The following CD163L1 variants were observed in gnomAD, a reference collection of about 807,000 sequenced individuals.
CD163L1 encodes scavenger receptor cysteine-rich type 1 protein M160.
Under a neutral mutation model 165.4 loss-of-function variants are expected in CD163L1, and 124 were observed. The ratio of observed to expected loss-of-function variants is 0.75; its 90% CI spans 0.65 to 0.87. The LOEUF is 0.87. Among genes scored for constraint, CD163L1 ranks in the 40% least tolerant of loss-of-function variants. The probability of loss-of-function intolerance (pLI) is 0.00; values close to 1 mark genes in which losing one functional copy is unlikely to be tolerated. For synonymous variants in CD163L1, 585 were observed against 662.2 expected, an observed-to-expected ratio of 0.88 and a Z score of 1.79; for missense variants, 1,525 against 1,799.9, an observed-to-expected ratio of 0.85 and a Z score of 2.76.
rs777575945 is a variant in CD163L1 at position 7,375,379 on chromosome 12, T to A, written c.2903A>T (p.His968Leu). Residue 968 changes from histidine (H) to leucine (L), a missense_variant, in exon 11 of 20, where the codon CAT becomes CTT. Physicochemically the swap from His to Leu is moderately conservative, Grantham distance 99. Transcript: ENST00000313599. ...CAGAAGTGACTCATTCCCTAAGCAATGAAACCTGTGTCCCCACACACGAAC... is the reference window on the plus strand; with the variant it reads ...CAGAAGTGACTCATTCCCTAAGCAAAGAAACCTGTGTCCCCACACACGAAC... ...RSVRVWGHRF[H>L]CLGNESLLDN... 1.1e-5 allele frequency: 18 copies of A among 1,614,186 alleles called. No homozygotes were observed. The highest frequency in any genetic ancestry group is 1.7e-5 in the Admixed American group (1 of 60,022).
chr12:7,342,504 G>A (rs958516581), downstream of CD163L1, among the ~76,000 whole-genome samples: 5 of 152,154 alleles, frequency 3.3e-5, no homozygotes, highest in Admixed American at 1.3e-4. Flanking sequence ...AGCTCTGAAG[G>A]CTGTGAGACC....
Position 7,375,449 on chromosome 12 carries a change from T to C in CD163L1, c.2833A>G (p.Thr945Ala). 6.2e-7 allele frequency: 1 copy of C among 1,614,176 alleles called. No homozygotes were observed. The highest frequency in any genetic ancestry group is 8.5e-7 in the Non-Finnish European group (1 of 1,180,028). ...RVLCRQLSCGTALSTTGGKYI... is the reference protein window; with the variant it reads ...RVLCRQLSCGAALSTTGGKYI... ...TTTCCTCCTGTGGTTGAGAGAGCAG[T>C]CCCACAGCTGAGCTGTCTGCATAGA... The change falls in exon 11 of 20, where the codon ACT becomes GCT. Residue 945 changes from threonine to alanine, a missense_variant. Thr to Ala is a moderately conservative substitution (Grantham distance 58). Coordinates refer to ENST00000313599, the MANE Select transcript of CD163L1 (RefSeq NM_174941.6).
At chr12:7,364,234 A>G (rs1173088006) in intron 18 of CD163L1, among the ~76,000 whole-genome samples, 1 of 152,146 alleles carries the variant, frequency 6.6e-6, no homozygotes, top group African/African-American at 2.4e-5. Context: ...CATAAAATTC[A>G]ACATCGTTTT....
At chr12:7,393,021 G>A (rs748227435) in intron 8 of CD163L1, among the ~76,000 whole-genome samples, 2 of 152,008 alleles carry the variant, frequency 1.3e-5, no homozygotes, top group African/African-American at 2.4e-5. Context: ...CATTCTTTCC[G>A]AAACTAATCT....
chr12:7,346,462 T>C (rs1946670879), downstream of CD163L1, among the ~76,000 whole-genome samples: 1 of 152,190 alleles, frequency 6.6e-6, no homozygotes, highest in Non-Finnish European at 1.5e-5. Flanking sequence ...TTACTGAGTA[T>C]AATTTCTTTT....
chr12:7,421,509 A>G (rs745751784), intron 4 of CD163L1, among the ~76,000 whole-genome samples: 4 of 86,674 alleles, frequency 4.6e-5, no homozygotes, highest in Non-Finnish European at 2.2e-5. Flanking sequence ...GTACATATAC[A>G]TATACATATA....
At chr12:7,370,612 G>A (rs1021219660) in intron 14 of CD163L1, among the ~76,000 whole-genome samples, 1 of 152,058 alleles carries the variant, frequency 6.6e-6, no homozygotes, top group Non-Finnish European at 1.5e-5. Context: ...GGTCTGATAA[G>A]TCATCCCCAA....
chr12:7,340,822 C>T, the CD163L1 span, among the ~76,000 whole-genome samples: 1 of 152,184 alleles, frequency 6.6e-6, no homozygotes, highest in Non-Finnish European at 1.5e-5. Flanking sequence ...TCTGAATCGG[C>T]TCATATCTCT....
In CD163L1 at chr12:7,409,271, T is replaced by C. The variant is rs758678892; in HGVS notation, c.767-2419A>G. Among the ~76,000 whole-genome samples, 6 of 152,320 alleles carry C rather than the reference T, an allele frequency of 3.9e-5. No homozygotes were observed. The East Asian group carries it at 1.2e-3, about 29-fold the overall frequency. ...AGTAAGTTTTATTTTTGTATACTAA[T>C]TTATGTAAAATCTGCCTAAATGTAG... On this transcript the variant is annotated intron_variant, in intron 4 of 19. Transcript: ENST00000313599.
At chr12:7,377,033 T>C (rs1030622200) in intron 9 of CD163L1, among the ~76,000 whole-genome samples, 1 of 152,220 alleles carries the variant, frequency 6.6e-6, no homozygotes, top group Non-Finnish European at 1.5e-5. Context: ...TGTCCCTGAG[T>C]GACCTTCCCC....
chr12:7,421,681 G>A (rs1229849585), intron 4 of CD163L1, among the ~76,000 whole-genome samples: 3 of 136,254 alleles, frequency 2.2e-5, no homozygotes, highest in Admixed American at 7.7e-5. Context: ...ACGTGCATAT[G>A]TACATATACA....
At chr12:7,320,755 T>G in the CD163L1 span, 1 of 1,613,800 alleles carries the variant, frequency 6.2e-7, no homozygotes. Context: ...CACGACCCTG[T>G]GCAGTCCTCC....
Position 7,374,838 on chromosome 12 carries a change from G to A in CD163L1, c.3087C>T (p.Ile1029=). Reference sequence around the variant, plus strand: ...AAAACTGATTCTGCTTACCTAAGCAGATCAAAGCACTGCCCTCTGGAACTG... The same window carrying A: ...AAAACTGATTCTGCTTACCTAAGCAAATCAAAGCACTGCCCTCTGGAACTG... ...LSAVPEGSAL[I]CLEDKRLRLV... Residue 1029 remains isoleucine, a synonymous_variant, in exon 12 of 20, where the codon ATC becomes ATT. Transcript: ENST00000313599. This position sits in a 1 kb window ranked among gnomAD's most constrained non-coding sequence, Gnocchi z 5.4. The A allele has an allele frequency of 6.2e-7, 1 of 1,614,210 alleles. No individual in the cohort carries two copies. The highest frequency in any genetic ancestry group is 8.5e-7 in the Non-Finnish European group (1 of 1,180,024).
chr12:7,336,929 G>A, the CD163L1 span, among the ~76,000 whole-genome samples: 3 of 152,014 alleles, frequency 2.0e-5, no homozygotes, highest in Admixed American at 2.0e-4. Context: ...TATGCTACAA[G>A]GCTACAGTAA....
chr12:7,388,230 C>T (rs183076462), intron 8 of CD163L1, among the ~76,000 whole-genome samples: 1 of 152,324 alleles, frequency 6.6e-6, no homozygotes, highest in Admixed American at 6.5e-5. Context: ...TTATAGCTAA[C>T]ATTTCAAAAA....
At chr12:7,439,971 C>G in intron 2 of CD163L1, 1 of 1,562,092 alleles carries the variant, frequency 6.4e-7, no homozygotes, top group South Asian at 1.2e-5. Context: ...CACTCGCTCC[C>G]TCCGCAGCCT....
rs1411484771 is a variant in CD163L1, at chr12:7,421,746, TATA to T, written c.766+10667_766+10669del. Among the ~76,000 whole-genome samples, 4 of 538 alleles carry T rather than the reference TATA, an allele frequency of 7.4e-3. No individual in the cohort carries two copies. In the Admixed American group the frequency reaches 0.14, roughly 19 times the overall value. The allele number at this position is 538 out of a possible 152,430, so 0.4% of individuals were successfully genotyped here. On this transcript the variant is annotated intron_variant, in intron 4 of 19. Transcript: ENST00000313599. The stretch of plus-strand genomic sequence containing the variant: ...GTATATATGTATATATGTGTGTGTG[TATA>T]TATATATATATATATATATATTTTT...
chr12:7,399,300 CCTTT>C lies in CD163L1; in HGVS notation c.1409-720_1409-717del, dbSNP rs1260388641. On this transcript the variant is annotated intron_variant, in intron 6 of 19. Coordinates refer to ENST00000313599, the MANE Select transcript of CD163L1 (RefSeq NM_174941.6). The stretch of plus-strand genomic sequence containing the variant: ...TTTTCTTCTTTCCTTTTCTTTCTCT[CCTTT>C]CTTTCTTTTCTTTCTTCTCTCTCTT... Among the ~76,000 whole-genome samples, 369 of 148,550 alleles carry C rather than the reference CCTTT, an allele frequency of 2.5e-3. 2 individuals are homozygous for C. Among genetic ancestry groups the C allele is most frequent in the African/African-American group, 8.7e-3 (350 of 40,418 alleles).
the CD163L1 span, among the ~76,000 whole-genome samples, chr12:7,329,257 ATTTACT>A: frequency 6.7e-6 from 1 of 148,354 alleles, no homozygotes; most frequent in Non-Finnish European, 1.5e-5. Context: ...TAGGGAACAA[ATTTACT>A]TTTATTTTTT....
Sources: allele counts gnomAD v4.1 joint callset (sites outside exome capture counted in the v4.1 genomes callset), GRCh38; gene constraint gnomAD v4.1.1; non-coding constraint Gnocchi (gnomAD v3.1); transcripts MANE v1.5; gene names NCBI Gene and HGNC (gene_info 2026-07-23, HGNC 2026-07-21).